Variants in PCDHGB1 observed in about 807,000 individuals in gnomAD.
PCDHGB1 encodes the protein protocadherin gamma-B1.
Under a neutral mutation model 56.6 loss-of-function variants are expected in PCDHGB1, and 34 were observed. That is an observed-to-expected ratio of 0.60 (90% CI 0.46 to 0.80). PCDHGB1 has a LOEUF of 0.80. Among genes scored for constraint, PCDHGB1 ranks in the 30% least tolerant of loss-of-function variants. The probability of loss-of-function intolerance (pLI) is 0.00; values close to 1 mark genes in which losing one functional copy is unlikely to be tolerated. For synonymous variants in PCDHGB1, 561 were observed against 505.9 expected (o/e 1.11, Z -1.46); for missense variants, 1,278 against 1,204.6 (o/e 1.06, Z -0.90).
At chr5:141,420,094 G>A in intron 1 of PCDHGB1, 7 of 1,614,058 alleles carry the variant, frequency 4.3e-6, no homozygotes, top group Non-Finnish European at 5.9e-6. Flanking sequence ...ACTACAGTGA[G>A]GGAACGTTGC....
At chr5:141,502,288 G>C (rs2099813700) in intron 2 of PCDHGB1, among the ~76,000 whole-genome samples, 1 of 151,338 alleles carries the variant, frequency 6.6e-6, no homozygotes, top group African/African-American at 2.5e-5. Flanking sequence ...ATTGCATTTG[G>C]TTGTCACGTC....
In PCDHGB1 at chr5:141,490,658, T is replaced by A. The variant is rs776806248; in HGVS notation, c.2410-4149T>A. The A allele has an allele frequency of 8.1e-6, 13 of 1,614,204 alleles. No homozygotes were observed. The South Asian group carries it at 1.4e-4, about 18-fold the overall frequency. ...GAAAACCGGCCTCCGGGCTCCCTTC[T>A]TTGCACTGTGGCTGCCTCAGATCCA... On this transcript the variant is annotated intron_variant, in intron 1 of 3. Transcript: ENST00000523390. The surrounding 1 kb of genome is among the most constrained non-coding windows in gnomAD (Gnocchi z 5.4).
At chr5:141,355,184 T>C in intron 1 of PCDHGB1, 2 of 1,586,600 alleles carry the variant, frequency 1.3e-6, no homozygotes, top group Non-Finnish European at 1.7e-6. Flanking sequence ...CACAGGCGAC[T>C]CCGCGGCGGG....
At chr5:141,371,051 G>T in intron 1 of PCDHGB1, 1 of 1,613,960 alleles carries the variant, frequency 6.2e-7, no homozygotes, top group Non-Finnish European at 8.5e-7. Flanking sequence ...ATGGGGGCGA[G>T]CCCTCCAGAA....
At chr5:141,435,024 C>T (rs1263332887) in intron 1 of PCDHGB1, among the ~76,000 whole-genome samples, 3 of 151,970 alleles carry the variant, frequency 2.0e-5, no homozygotes, top group Non-Finnish European at 4.4e-5. Context: ...ATGCTCTTTT[C>T]CCACTTTTAT....
chr5:141,351,020 T>TG lies in PCDHGB1; in HGVS notation c.764dup (p.Thr256AsnfsTer13). 1 of 1,614,036 alleles carries TG rather than the reference T, an allele frequency of 6.2e-7. No homozygotes were observed. The highest frequency in any genetic ancestry group is 8.5e-7 in the Non-Finnish European group (1 of 1,179,890). On this transcript the variant is annotated frameshift_variant, in exon 1 of 4. Transcript: ENST00000523390. LOFTEE classifies it high-confidence loss of function. Reference sequence around the variant, plus strand: ...GGTTAGCCTCCAAGAAAACGTACCGTGGGGAACCTCCGTGCTGCGGGTGAT... The same window carrying TG: ...GGTTAGCCTCCAAGAAAACGTACCGTGGGGGAACCTCCGTGCTGCGGGTGAT...
intron 1 of PCDHGB1, chr5:141,398,283 G>A (rs1470207042): frequency 7.2e-7 from 1 of 1,396,846 alleles, no homozygotes; most frequent in East Asian, 2.5e-5. Context: ...ACCTCGCCAC[G>A]GACCTGGGGT....
intron 1 of PCDHGB1, chr5:141,410,318 G>A: frequency 6.2e-7 from 1 of 1,613,982 alleles, no homozygotes; most frequent in Non-Finnish European, 8.5e-7. Flanking sequence ...CTTCCTCCTC[G>A]CCGTGATTCT....
chr5:141,455,492 T>G (rs958076901), intron 1 of PCDHGB1, among the ~76,000 whole-genome samples: 10 of 152,188 alleles, frequency 6.6e-5, no homozygotes, highest in Non-Finnish European at 1.2e-4. Context: ...GGAGGTGATG[T>G]CTGATTTGCA....
rs1562131721 is a variant in PCDHGB1, at chr5:141,489,636, C to CGAGA, written c.2410-5171_2410-5170insGAGA. 10 of 1,614,074 alleles carry CGAGA rather than the reference C, an allele frequency of 6.2e-6. No individual in the cohort carries two copies. The highest frequency in any genetic ancestry group is 2.7e-5 in the African/African-American group (2 of 74,930). On this transcript the variant is annotated intron_variant, in intron 1 of 3. Coordinates refer to ENST00000523390, the MANE Select transcript of PCDHGB1 (RefSeq NM_018922.3). This position sits in a 1 kb window ranked among gnomAD's most constrained non-coding sequence, Gnocchi z 4.5. ...TGGATCTCAATGACAACTCTCCTAG[C>CGAGA]TTTGCCACCCCTGAGCGAGAGATGC...
intron 1 of PCDHGB1, chr5:141,383,042 T>C (rs1397489820): frequency 6.2e-7 from 1 of 1,613,842 alleles, no homozygotes; most frequent in Non-Finnish European, 8.5e-7. Flanking sequence ...GTGGGAGACA[T>C]CGCCAAGGAC....
intron 1 of PCDHGB1, chr5:141,384,751 G>T (rs1403362361): frequency 1.2e-6 from 2 of 1,614,050 alleles, no homozygotes; most frequent in East Asian, 4.5e-5. Flanking sequence ...AGGACTCTTT[G>T]CGGTTGGGCT....
chr5:141,364,444 G>T (rs763812154), intron 1 of PCDHGB1: 10 of 1,613,956 alleles, frequency 6.2e-6, no homozygotes, highest in Non-Finnish European at 8.5e-6. Context: ...TGCCGGAGGA[G>T]CTGGACAAAG....
chr5:141,485,689 G>A lies in PCDHGB1; in HGVS notation c.2410-9118G>A. On this transcript the variant is annotated intron_variant, in intron 1 of 3. Transcript: ENST00000523390. This position sits in a 1 kb window ranked among gnomAD's most constrained non-coding sequence, Gnocchi z 5.7. ...GCAATTCGATTAGCAGCTATAGGCT[G>A]AGCTCCAATGAACACTTTGCACTGG... The A allele has an allele frequency of 6.2e-7, 1 of 1,614,086 alleles. No individual in the cohort carries two copies. The highest frequency in any genetic ancestry group is 8.5e-7 in the Non-Finnish European group (1 of 1,179,970).
chr5:141,374,275 C>A (rs3749775), intron 1 of PCDHGB1: 85,315 of 1,613,944 alleles, frequency 0.053, 2,491 homozygotes, highest in African/African-American at 0.097. Flanking sequence ...AGCACGGAGT[C>A]CGCATCGTCT....
At chr5:141,409,192 G>A in intron 1 of PCDHGB1, 4 of 1,614,000 alleles carry the variant, frequency 2.5e-6, no homozygotes, top group Non-Finnish European at 3.4e-6. Context: ...TCTCTACCCA[G>A]TGTAAAGTAA....
In PCDHGB1 at chr5:141,431,279, C is replaced by G. The variant is rs1163372308; in HGVS notation, c.2410-63528C>G. Reference sequence around the variant, plus strand: ...CTCTCTGCAGAGCTACGAGCTCAGCCCGAACACTCACTTCTCCCTCATCGT... The same window carrying G: ...CTCTCTGCAGAGCTACGAGCTCAGCGCGAACACTCACTTCTCCCTCATCGT... On this transcript the variant is annotated intron_variant, in intron 1 of 3. Coordinates refer to ENST00000523390, the MANE Select transcript of PCDHGB1 (RefSeq NM_018922.3). This position sits in a 1 kb window ranked among gnomAD's most constrained non-coding sequence, Gnocchi z 4.8. 1 of 1,614,028 alleles carries G rather than the reference C, an allele frequency of 6.2e-7. No individual in the cohort carries two copies. Among genetic ancestry groups the G allele is most frequent in the African/African-American group, 1.3e-5 (1 of 74,926 alleles).
At chr5:141,470,016 C>G (rs116065751) in intron 1 of PCDHGB1, among the ~76,000 whole-genome samples, 1 of 152,146 alleles carries the variant, frequency 6.6e-6, no homozygotes, top group Non-Finnish European at 1.5e-5. Context: ...GTAATCCCAG[C>G]TACTCGGGAT....
intron 1 of PCDHGB1, chr5:141,362,371 G>A (rs1016730976): frequency 1.4e-5 from 22 of 1,614,012 alleles, no homozygotes; most frequent in Non-Finnish European, 1.8e-5. Flanking sequence ...TTACAGTGAG[G>A]GTACATTGCC....
Sources: gnomAD v4.1 joint callset for allele counts (sites outside exome capture counted in the v4.1 genomes callset) on GRCh38, gnomAD v4.1.1 for gene constraint, Gnocchi (gnomAD v3.1) non-coding constraint, MANE v1.5 for transcripts, NCBI Gene and HGNC (gene_info 2026-07-23, HGNC 2026-07-21) for gene names.